The following SEMA6C variants were observed in gnomAD, a reference collection of about 807,000 sequenced individuals.
The protein encoded by SEMA6C is semaphorin-6C.
Under a neutral mutation model 72.9 loss-of-function variants are expected in SEMA6C, and 37 were observed. The ratio of observed to expected loss-of-function variants is 0.51; its 90% CI spans 0.39 to 0.67. The LOEUF is 0.67. SEMA6C is among the 30% of genes least tolerant of loss of function. SEMA6C has a pLI of 0.00. For missense variants in SEMA6C, 1,189 were observed against 1,263.6 expected (o/e 0.94, Z 0.89); for synonymous variants, 578 against 554.1 (o/e 1.04, Z -0.61).
chr1:151,139,322 G>A, intron 6 of SEMA6C, 103 bp downstream of exon 6: 1 of 984,346 alleles, frequency 1.0e-6, no homozygotes. Flanking sequence ...GCCTGGGATG[G>A]AAAAAGTGTG....
In SEMA6C at chr1:151,133,189, G is replaced by A. The variant is rs764707849; in HGVS notation, c.2088C>T (p.Ala696=). The A allele has an allele frequency of 1.9e-6, 3 of 1,565,464 alleles. No homozygotes were observed. Among genetic ancestry groups the A allele is most frequent in the Admixed American group, 1.8e-5 (1 of 55,354 alleles). ...PPEGVPPPEL[A]CLPTPESTPE... Reference sequence around the variant, plus strand: ...GCGTGGACTCGGGGGTGGGCAGGCAGGCCAGCTCCGGCGGGGGCACGCCCT... The same window carrying A: ...GCGTGGACTCGGGGGTGGGCAGGCAAGCCAGCTCCGGCGGGGGCACGCCCT... The change falls in exon 19 of 19, where the codon GCC becomes GCT. Residue 696 remains alanine (A), a synonymous_variant. Coordinates refer to ENST00000368914, the MANE Select transcript of SEMA6C (RefSeq NM_030913.6). This position sits in a 1 kb window ranked among gnomAD's most constrained non-coding sequence, Gnocchi z 5.9.
At chr1:151,136,267 C>T (rs959532372) in intron 12 of SEMA6C, 104 bp from the exon 13 acceptor site, 85 of 1,519,870 alleles carry the variant, frequency 5.6e-5, no homozygotes, top group Non-Finnish European at 7.4e-5. Context: ...GCCTTGCTCC[C>T]CCTCCACACA....
intron 18 of SEMA6C, 123 bp downstream of exon 18, chr1:151,134,278 G>A (rs1167880406): frequency 2.0e-6 from 2 of 988,246 alleles, no homozygotes; most frequent in Non-Finnish European, 3.1e-6. Flanking sequence ...GGTATCTGGA[G>A]GATGCCGACC....
chr1:151,142,440 A>C, intron 3 of SEMA6C, 64 bp downstream of exon 3: 2 of 1,601,752 alleles, frequency 1.2e-6, no homozygotes. Context: ...CTTGCCTCCC[A>C]CACAGGGGGT....
chr1:151,143,464 T>G (rs1371562924), intron 2 of SEMA6C, among the ~76,000 whole-genome samples: 1 of 152,132 alleles, frequency 6.6e-6, no homozygotes, highest in Non-Finnish European at 1.5e-5. Context: ...AACCAGTGCA[T>G]GTACTTGAGG....
chr1:151,137,698 C>T lies in SEMA6C; in HGVS notation c.756+13G>A. On this transcript the variant is annotated intron_variant, in intron 10 of 18. Transcript: ENST00000368914. The stretch of plus-strand genomic sequence containing the variant: ...AACCCTCCAGCTACCCACCCTGATG[C>T]CCACCTCCTTACCCTCCCCAGCCGA... 2 of 1,605,740 alleles carry T rather than the reference C, an allele frequency of 1.2e-6. No individual in the cohort carries two copies. The highest frequency in any genetic ancestry group is 1.7e-6 in the Non-Finnish European group (2 of 1,174,070).
intron 2 of SEMA6C, 40 bp from the exon 3 acceptor site, chr1:151,142,715 T>G: frequency 9.6e-7 from 1 of 1,037,558 alleles, no homozygotes; most frequent in Non-Finnish European, 1.4e-6. Context: ...AGGAGCGAAG[T>G]TCCCTCTCCC....
At position 151,133,795 on chromosome 1, in the gene SEMA6C, A is replaced by G. The variant is rs1247026009; in HGVS notation, c.1760-278T>C. ...GCCATGCCAAGAGCAACTGCCAAAA[A>G]CTGCTCGTGCAGGAGAACTCGGGGC... On this transcript the variant is annotated intron_variant, in intron 18 of 18. Coordinates refer to ENST00000368914, the MANE Select transcript of SEMA6C (RefSeq NM_030913.6). The surrounding 1 kb of genome is among the most constrained non-coding windows in gnomAD (Gnocchi z 5.9). Among the ~76,000 whole-genome samples, 2 of 151,996 alleles carry G rather than the reference A, an allele frequency of 1.3e-5. No individual in the cohort carries two copies. The highest frequency in any genetic ancestry group is 6.5e-5 in the Admixed American group (1 of 15,268).
chr1:151,142,065 G>A (rs1220433681), intron 3 of SEMA6C, among the ~76,000 whole-genome samples: 2 of 147,516 alleles, frequency 1.4e-5, no homozygotes, highest in Admixed American at 6.7e-5. Context: ...TTTTTGAGAC[G>A]GAGTCTCGCT....
intron 9 of SEMA6C, 26 bp from the exon 10 acceptor site, chr1:151,137,825 G>A (rs773305004): frequency 1.2e-6 from 2 of 1,605,404 alleles, no homozygotes; most frequent in South Asian, 2.2e-5. Context: ...ACAGGAAAGG[G>A]TATAGAAGAG....
In SEMA6C at chr1:151,139,340, T is replaced by G; in HGVS notation, c.354+85A>C. ...TGGGATGGAAAAAGTGTGAAGGAAA[T>G]TGGGCATAGTAGAGGACCAGTTGGA... On this transcript the variant is annotated intron_variant, in intron 6 of 18. Coordinates refer to ENST00000368914, the MANE Select transcript of SEMA6C (RefSeq NM_030913.6). 1.8e-6 allele frequency: 2 copies of G among 1,108,480 alleles called. 1 individual carries two copies. Among genetic ancestry groups the G allele is most frequent in the South Asian group, 2.5e-5 (2 of 79,834 alleles). 68.7% of individuals were successfully genotyped at this position (1,108,480 alleles called of 1,614,324 possible). A position where few individuals can be genotyped will look rare whatever the true frequency, so the allele number is the denominator to read the frequency against.
In SEMA6C at chr1:151,135,181, C is replaced by G. The variant is rs769263400; in HGVS notation, c.1562G>C (p.Arg521Pro). ...IVYLPLSRCA[R>P]HGACQRSCLA... ...CTCTCACCTCTGACAGGCCCCATGC[C>G]GGGCACACCGGCTGAGAGGGAGGTA... The change falls in exon 15 of 19, where the codon CGG becomes CCG. Residue 521 changes from arginine to proline, a missense_variant. Transcript: ENST00000368914. The G allele has an allele frequency of 9.3e-6, 15 of 1,613,898 alleles. No homozygotes were observed. Among genetic ancestry groups the G allele is most frequent in the South Asian group, 2.2e-5 (2 of 91,084 alleles).
intron 3 of SEMA6C, among the ~76,000 whole-genome samples, chr1:151,142,078 G>C (rs956034057): frequency 6.9e-6 from 1 of 144,778 alleles, no homozygotes; most frequent in Non-Finnish European, 1.5e-5. Context: ...GTCTCGCTCT[G>C]TTGCCCAGGC....
In SEMA6C at chr1:151,143,971, C is replaced by A. The variant is rs114670144; in HGVS notation, c.-55+414G>T. Among the ~76,000 whole-genome samples the A allele has an allele frequency of 8.9e-3, 1,357 of 152,202 alleles. 27 individuals are homozygous for A. The highest frequency in any genetic ancestry group is 0.031 in the African/African-American group (1,286 of 41,512). On this transcript the variant is annotated intron_variant, in intron 2 of 18. Transcript: ENST00000368914. ...CCCAGCCAGGACCCAAGTGTCCCCC[C>A]ACCCCCAATCCAGCATCACTGGTGG...
Position 151,139,661 on chromosome 1 carries a change from C to G in SEMA6C, c.274G>C (p.Gly92Arg), listed in dbSNP as rs1038942289. Residue 92 changes from glycine to arginine, a missense_variant, in exon 5 of 19, where the codon GGG (glycine) becomes CGG (arginine). Physicochemically the swap from Gly to Arg is moderately radical, Grantham distance 125. Coordinates refer to ENST00000368914, the MANE Select transcript of SEMA6C (RefSeq NM_030913.6). ...ACCTTGTTGGGCACCAGCCCCTCCC[C>G]TTCTTCTTCGGCTTGAAGATCGAAG... ...FSFDLQAEEE[G>R]EGLVPNKYLT... The G allele has an allele frequency of 5.6e-6, 9 of 1,607,142 alleles. No individual in the cohort carries two copies.
Position 151,135,678 on chromosome 1 carries a change from G to C in SEMA6C, c.1346C>G (p.Thr449Arg), listed in dbSNP as rs774533059. 6.2e-7 allele frequency: 1 copy of C among 1,614,204 alleles called. No homozygotes were observed. The highest frequency in any genetic ancestry group is 8.5e-7 in the Non-Finnish European group (1 of 1,180,008). The change falls in exon 14 of 19, where the codon ACA becomes AGA. Residue 449 changes from threonine (T) to arginine (R), a missense_variant. Thr to Arg is a moderately conservative substitution (Grantham distance 71). Around this residue, in one of 2 missense-constraint regions of SEMA6C, gnomAD observed 468 missense variants for 577.4 expected, o/e 0.81. Coordinates refer to ENST00000368914, the MANE Select transcript of SEMA6C (RefSeq NM_030913.6). ...TVMFLGSNDG[T>R]VLKVLTPGGR... ...ACCTGGGGTCAGCACCTTCAGCACT[G>C]TCCCATCATTGGAGCCAAGGAACAT...
chr1:151,137,121 G>T, intron 10 of SEMA6C, 47 bp from the exon 11 acceptor site: 2 of 1,540,506 alleles, frequency 1.3e-6, no homozygotes, highest in Non-Finnish European at 1.8e-6. Flanking sequence ...GACCCACAGG[G>T]CCAGCTGCAT....
Position 151,132,301 on chromosome 1 carries a change from C to T in SEMA6C, c.*183G>A, listed in dbSNP as rs968639727. ...GGCTTCTCACCTCCCACTCTTCTGTCGAGGACAGGGGGAAAGACAGTCAAT... is the reference window on the plus strand; with the variant it reads ...GGCTTCTCACCTCCCACTCTTCTGTTGAGGACAGGGGGAAAGACAGTCAAT... On this transcript the variant is annotated 3_prime_UTR_variant, in exon 19 of 19. Coordinates refer to ENST00000368914, the MANE Select transcript of SEMA6C (RefSeq NM_030913.6). 1.4e-4 allele frequency: 216 copies of T among 1,536,084 alleles called. No homozygotes were observed. In the African/African-American group the frequency reaches 2.6e-3, roughly 19 times the overall value.
intron 2 of SEMA6C, 133 bp from the exon 3 acceptor site, chr1:151,142,808 C>A: frequency 1.8e-6 from 1 of 540,680 alleles, no homozygotes; most frequent in Non-Finnish European, 3.3e-6. Flanking sequence ...CTCTCCAGCA[C>A]TGCCCCAGTT....
Sources: gnomAD v4.1 joint callset for allele counts (sites outside exome capture counted in the v4.1 genomes callset) on GRCh38, gnomAD v4.1.1 for gene constraint, gnomAD v4.1.1 regional missense constraint, Gnocchi (gnomAD v3.1) non-coding constraint, MANE v1.5 for transcripts, NCBI Gene and HGNC (gene_info 2026-07-23, HGNC 2026-07-21) for gene names.